CLDN14: variants seen among roughly 807,000 people sequenced by gnomAD.
CLDN14 encodes the protein claudin 14, also known as claudin-14.
In CLDN14, 2 loss-of-function variants were observed where a neutral mutation model predicts 2.1. The ratio of observed to expected loss-of-function variants is 0.96; its 90% CI spans 0.39 to 3.01. CLDN14 has a LOEUF of 3.01. CLDN14 is among the 30% of genes most tolerant of loss of function. The pLI, the probability that CLDN14 is intolerant of heterozygous loss-of-function variation, is 0.09. For synonymous variants in CLDN14, 136 were observed against 154.4 expected, an observed-to-expected ratio of 0.88 and a Z score of 0.88; for missense variants, 298 against 328.0, an observed-to-expected ratio of 0.91 and a Z score of 0.71.
chr21:36,461,009 C>G lies in CLDN14; in HGVS notation c.687G>C (p.Thr229=). 1 of 1,612,960 alleles carries G rather than the reference C, an allele frequency of 6.2e-7. No individual in the cohort carries two copies. The highest frequency in any genetic ancestry group is 8.5e-7 in the Non-Finnish European group (1 of 1,179,826). The part of the protein sequence containing the change: ...DNRAPSVTSA[T]HSGYRLNDYV Reference sequence around the variant, plus strand: ...AGTCGTTCAGCCTGTACCCGCTGTGCGTGGCCGAGGTCACTGAGGGGGCCC... The same window carrying G: ...AGTCGTTCAGCCTGTACCCGCTGTGGGTGGCCGAGGTCACTGAGGGGGCCC... Residue 229 remains threonine (T), a synonymous_variant, in exon 2 of 2, where the codon ACG becomes ACC. Coordinates refer to ENST00000399135, the MANE Select transcript of CLDN14 (RefSeq NM_001146079.2).
chr21:36,491,975 CCTT>C (rs1350141508), intron 2 of CLDN14, among the ~76,000 whole-genome samples: 1 of 152,138 alleles, frequency 6.6e-6, no homozygotes, highest in East Asian at 1.9e-4. Context: ...CAGACTATGA[CCTT>C]CTTTGGAAAT....
intron 1 of CLDN14, among the ~76,000 whole-genome samples, chr21:36,523,835 G>GAA (rs2087299127): frequency 7.0e-6 from 1 of 143,628 alleles, no homozygotes; most frequent in South Asian, 2.3e-4. Context: ...AAGAAAGAAA[G>GAA]AAAGAAAGTG....
chr21:36,460,852 C>T lies in CLDN14; in HGVS notation c.*124G>A. On this transcript the variant is annotated 3_prime_UTR_variant, in exon 2 of 2. Coordinates refer to ENST00000399135, the MANE Select transcript of CLDN14 (RefSeq NM_001146079.2). This position sits in a 1 kb window ranked among gnomAD's most constrained non-coding sequence, Gnocchi z 4.0. Reference sequence around the variant, plus strand: ...CTCTAAAGACATTTCCTCGCATTCACATTATTTCCTTGGATACAAAAATTG... The same window carrying T: ...CTCTAAAGACATTTCCTCGCATTCATATTATTTCCTTGGATACAAAAATTG... 1 of 1,154,340 alleles carries T rather than the reference C, an allele frequency of 8.7e-7. No individual in the cohort carries two copies. Among genetic ancestry groups the T allele is most frequent in the South Asian group, 1.4e-5 (1 of 72,260 alleles). The allele number at this position is 1,154,340 out of a possible 1,614,324, so 71.5% of individuals were successfully genotyped here.
chr21:36,535,703 G>T (rs1287598245), intron 1 of CLDN14, among the ~76,000 whole-genome samples: 1 of 152,148 alleles, frequency 6.6e-6, no homozygotes, highest in African/African-American at 2.4e-5. Context: ...AGGTGACTTA[G>T]TTGGTTTCAG....
upstream of CLDN14, among the ~76,000 whole-genome samples, chr21:36,482,974 G>T (rs1162476243): frequency 6.6e-6 from 1 of 152,218 alleles, no homozygotes; most frequent in African/African-American, 2.4e-5. Context: ...AACAGCCTTT[G>T]CTTTAGGTAC....
At chr21:36,478,318 G>A (rs2086801277) in intron 1 of CLDN14, among the ~76,000 whole-genome samples, 1 of 152,194 alleles carries the variant, frequency 6.6e-6, no homozygotes, top group South Asian at 2.1e-4. Flanking sequence ...ATAAGGATGG[G>A]GGCTGGCGCT....
chr21:36,573,164 G>T (rs1199135345), intron 1 of CLDN14, among the ~76,000 whole-genome samples: 2 of 152,096 alleles, frequency 1.3e-5, no homozygotes, highest in Admixed American at 1.3e-4. Context: ...AGCCAGGCGT[G>T]GTGGTGGGCG....
At chr21:36,489,117 G>GAAAAAAA (rs869298653) in intron 2 of CLDN14, among the ~76,000 whole-genome samples, 174 of 56,932 alleles carry the variant, frequency 3.1e-3, no homozygotes, top group African/African-American at 0.012. Context: ...CTGTCTCAAA[G>GAAAAAAA]AAAAAAAAAA....
At chr21:36,546,195 A>C (rs1361150683) in intron 1 of CLDN14, among the ~76,000 whole-genome samples, 2 of 152,202 alleles carry the variant, frequency 1.3e-5, no homozygotes, top group Admixed American at 1.3e-4. Context: ...ACTAAATTGC[A>C]TGTTAGTCTT....
At chr21:36,524,130 A>G (rs1189797804) in intron 1 of CLDN14, among the ~76,000 whole-genome samples, 1 of 146,768 alleles carries the variant, frequency 6.8e-6, no homozygotes, top group African/African-American at 2.6e-5. Flanking sequence ...TTTTTTTTTT[A>G]ATGAGACGGG....
At chr21:36,500,893 C>A (rs921097679) in intron 2 of CLDN14, among the ~76,000 whole-genome samples, 1 of 152,234 alleles carries the variant, frequency 6.6e-6, no homozygotes, top group African/African-American at 2.4e-5. Context: ...ATCACTGTGC[C>A]AGCCACTCCA....
At chr21:36,493,692 G>A (rs1046295703) in intron 2 of CLDN14, among the ~76,000 whole-genome samples, 13 of 152,144 alleles carry the variant, frequency 8.5e-5, no homozygotes, top group Non-Finnish European at 1.5e-4. Context: ...TGTGGAGCGG[G>A]AGCCTCTGCA....
At chr21:36,573,362 C>G (rs1349742324) in intron 1 of CLDN14, among the ~76,000 whole-genome samples, 1 of 150,800 alleles carries the variant, frequency 6.6e-6, no homozygotes, top group Non-Finnish European at 1.5e-5. Flanking sequence ...ACTACAGTTA[C>G]TGCAACTCAA....
At chr21:36,548,151 T>C (rs1307021732) in intron 1 of CLDN14, among the ~76,000 whole-genome samples, 1 of 152,030 alleles carries the variant, frequency 6.6e-6, no homozygotes, top group East Asian at 1.9e-4. Context: ...GTCTCCTCTT[T>C]TCCTTGTTAC....
intron 1 of CLDN14, chr21:36,477,244 C>G (rs907117101): frequency 6.6e-6 from 1 of 152,246 alleles, no homozygotes; most frequent in African/African-American, 2.4e-5. Context: ...TATGGACATG[C>G]TGGGAACTGG....
At chr21:36,555,467 C>T (rs145976095) in intron 1 of CLDN14, among the ~76,000 whole-genome samples, 30 of 152,330 alleles carry the variant, frequency 2.0e-4, no homozygotes, top group Admixed American at 7.8e-4. Flanking sequence ...AAACAGGCAG[C>T]GTGTTCCAAG....
chr21:36,570,042 G>A (rs2087698596), intron 1 of CLDN14, among the ~76,000 whole-genome samples: 1 of 152,198 alleles, frequency 6.6e-6, no homozygotes, highest in African/African-American at 2.4e-5. Context: ...ATGGAGACAC[G>A]AGACATCTAT....
At chr21:36,482,144 G>A (rs989892660), upstream of CLDN14, among the ~76,000 whole-genome samples, 8 of 152,176 alleles carry the variant, frequency 5.3e-5, no homozygotes, top group African/African-American at 1.9e-4. Context: ...CTCCCAAGAG[G>A]TATTTTTAAG....
intron 1 of CLDN14, among the ~76,000 whole-genome samples, chr21:36,563,002 G>A (rs1377992198): frequency 6.6e-6 from 1 of 152,038 alleles, no homozygotes; most frequent in Non-Finnish European, 1.5e-5. Flanking sequence ...CATGAACTTG[G>A]GTGCTGCAAA....
Sources: allele counts gnomAD v4.1 joint callset (sites outside exome capture counted in the v4.1 genomes callset), GRCh38; gene constraint gnomAD v4.1.1; non-coding constraint Gnocchi (gnomAD v3.1); transcripts MANE v1.5; gene names NCBI Gene and HGNC (gene_info 2026-07-23, HGNC 2026-07-21).